JARID2: variants seen among roughly 807,000 people sequenced by gnomAD.
JARID2 encodes protein Jumonji.
JARID2 carries 21 observed loss-of-function variants against 125.6 expected under a neutral mutation model. The ratio of observed to expected loss-of-function variants is 0.17; its 90% CI spans 0.12 to 0.24. JARID2 has a LOEUF of 0.24. Ranked by LOEUF, JARID2 falls within the 10% of genes least tolerant of loss-of-function variation. JARID2 has a pLI of 1.00. For missense variants in JARID2, 1,303 were observed against 1,639.6 expected (o/e 0.79, Z 3.55); for synonymous variants, 736 against 661.6 (o/e 1.11, Z -1.73).
At chr6:15,410,966 T>C (rs781049717) in intron 3 of JARID2, among the ~76,000 whole-genome samples, 9 of 152,244 alleles carry the variant, frequency 5.9e-5, no homozygotes, top group Non-Finnish European at 1.3e-4. Flanking sequence ...GTTTGTGGTT[T>C]CATGGTCAAA....
chr6:15,503,835 C>T (rs1419279164), intron 8 of JARID2, among the ~76,000 whole-genome samples: 1 of 152,212 alleles, frequency 6.6e-6, no homozygotes, highest in Non-Finnish European at 1.5e-5. Flanking sequence ...ACTCCGGATT[C>T]CCAAACTGAC....
chr6:15,434,131 TC>T (rs1384718420), intron 3 of JARID2, among the ~76,000 whole-genome samples: 2 of 137,522 alleles, frequency 1.5e-5, no homozygotes, highest in African/African-American at 5.7e-5. Context: ...TTCACTGTGT[TC>T]CTAACAGTTT....
intron 1 of JARID2, among the ~76,000 whole-genome samples, chr6:15,277,761 A>G (rs1036012122): frequency 6.7e-6 from 1 of 148,504 alleles, no homozygotes; most frequent in Non-Finnish European, 1.5e-5. Context: ...TAACTTACTA[A>G]TAGATAGCCA....
At chr6:15,292,104 C>T (rs1761240337) in intron 1 of JARID2, among the ~76,000 whole-genome samples, 2 of 152,214 alleles carry the variant, frequency 1.3e-5, no homozygotes, top group South Asian at 4.1e-4. Flanking sequence ...GCAAGCTTCG[C>T]CTCCCGGGTT....
intron 2 of JARID2, among the ~76,000 whole-genome samples, chr6:15,389,949 T>C (rs914375146): frequency 3.9e-5 from 6 of 152,202 alleles, no homozygotes; most frequent in African/African-American, 1.2e-4. Context: ...TTTCTATTTT[T>C]AACTGGAGAG....
chr6:15,303,425 G>C (rs1381999172), intron 1 of JARID2, among the ~76,000 whole-genome samples: 1 of 152,266 alleles, frequency 6.6e-6, no homozygotes, highest in East Asian at 1.9e-4. Context: ...TGCACGGGCA[G>C]TGTGGCTGGC....
intron 3 of JARID2, among the ~76,000 whole-genome samples, chr6:15,435,002 C>G (rs1561860897): frequency 6.6e-6 from 1 of 152,220 alleles, no homozygotes; most frequent in African/African-American, 2.4e-5. Flanking sequence ...AGGTTACACT[C>G]AAATGTTAGT....
chr6:15,392,733 G>A (rs1765071046), intron 2 of JARID2, among the ~76,000 whole-genome samples: 1 of 143,550 alleles, frequency 7.0e-6, no homozygotes, highest in Admixed American at 7.3e-5. Flanking sequence ...CCAGGCTGCT[G>A]GAGTGTAGTG....
chr6:15,261,201 C>G (rs1759858595), intron 1 of JARID2, among the ~76,000 whole-genome samples: 1 of 152,100 alleles, frequency 6.6e-6, no homozygotes, highest in African/African-American at 2.4e-5. Context: ...GGAGGTCATC[C>G]CAATAAAGAA....
intron 5 of JARID2, among the ~76,000 whole-genome samples, chr6:15,475,421 A>G (rs1306227218): frequency 6.6e-6 from 1 of 152,184 alleles, no homozygotes; most frequent in Admixed American, 6.5e-5. Context: ...GGAGAGCACC[A>G]CATCTCAGGC....
rs1234134724 is a variant in JARID2, at chr6:15,281,106, AGTTTCAGTGT to A, written c.45+34525_45+34534del. Among the ~76,000 whole-genome samples the A allele has an allele frequency of 1.1e-4, 17 of 152,280 alleles. No homozygotes were observed. In the East Asian group the frequency reaches 1.9e-3, roughly 17 times the overall value. On this transcript the variant is annotated intron_variant, in intron 1 of 17. Transcript: ENST00000341776. ...TGACAGGTTTGCAGGTATGTTAGAA[AGTTTCAGTGT>A]GTCAGTGTTTGGTGTGTATAAGCGT...
intron 2 of JARID2, among the ~76,000 whole-genome samples, chr6:15,399,563 T>C (rs192168645): frequency 6.6e-6 from 1 of 152,320 alleles, no homozygotes; most frequent in African/African-American, 2.4e-5. Flanking sequence ...TAAGAAGTTG[T>C]GGCATGTTCA....
At position 15,415,559 on chromosome 6, in the gene JARID2, T is replaced by TC. The variant is rs1221203918; in HGVS notation, c.323+5195dup. ...CTCACCTCCCGGGCAGAGGCGCCCC[T>TC]CACCTCCCGGACGGGGCTGCTGGCC... is the stretch of plus-strand genomic sequence containing the variant. On this transcript the variant is annotated intron_variant, in intron 3 of 17. Transcript: ENST00000341776. 2.3e-3 allele frequency among the ~76,000 whole-genome samples: 305 copies of TC among 132,140 alleles called. 3 individuals carry two copies. Among genetic ancestry groups the TC allele is most frequent in the African/African-American group, 8.7e-3 (264 of 30,350 alleles). 86.7% of individuals were successfully genotyped at this position (132,140 alleles called of 152,430 possible).
chr6:15,296,527 C>T (rs1328090410), intron 1 of JARID2, among the ~76,000 whole-genome samples: 2 of 152,158 alleles, frequency 1.3e-5, no homozygotes, highest in Non-Finnish European at 2.9e-5. Context: ...TTCTCTCTCC[C>T]TTATCCCTCC....
chr6:15,485,138 A>G (rs1164917445), intron 5 of JARID2, among the ~76,000 whole-genome samples: 1 of 152,234 alleles, frequency 6.6e-6, no homozygotes, highest in Non-Finnish European at 1.5e-5. Flanking sequence ...AGTATCCAGT[A>G]GAATCTTGTG....
intron 1 of JARID2, among the ~76,000 whole-genome samples, chr6:15,264,833 A>G (rs1760023893): frequency 6.6e-6 from 1 of 152,166 alleles, no homozygotes; most frequent in Non-Finnish European, 1.5e-5. Flanking sequence ...ATTAGAGCTA[A>G]TTTTAAGAAT....
intron 1 of JARID2, among the ~76,000 whole-genome samples, chr6:15,313,604 T>C (rs543616438): frequency 1.3e-5 from 2 of 152,262 alleles, no homozygotes; most frequent in East Asian, 3.9e-4. Context: ...GAGAGCACTG[T>C]GGAATTTGCA....
At chr6:15,334,620 T>C (rs918351507) in intron 1 of JARID2, among the ~76,000 whole-genome samples, 4 of 152,178 alleles carry the variant, frequency 2.6e-5, no homozygotes, top group African/African-American at 9.7e-5. Flanking sequence ...GGTACCAGCT[T>C]TCTGACTGAC....
At chr6:15,318,235 T>C (rs1186142863) in intron 1 of JARID2, among the ~76,000 whole-genome samples, 1 of 150,968 alleles carries the variant, frequency 6.6e-6, no homozygotes, top group Non-Finnish European at 1.5e-5. Flanking sequence ...ATTAAACAAA[T>C]AGGACTTCTC....
Sources: allele counts gnomAD v4.1 joint callset (sites outside exome capture counted in the v4.1 genomes callset), GRCh38; gene constraint gnomAD v4.1.1; transcripts MANE v1.5; gene names NCBI Gene and HGNC (gene_info 2026-07-23, HGNC 2026-07-21).